Variants in RPE65 observed in about 807,000 individuals in gnomAD.
RPE65 encodes retinoid isomerohydrolase.
Under a neutral mutation model 68.5 loss-of-function variants are expected in RPE65, and 58 were observed. The ratio of observed to expected loss-of-function variants is 0.85; its 90% CI spans 0.69 to 1.05. RPE65 has a LOEUF of 1.05. Ranked by LOEUF, RPE65 falls within the 50% of genes least tolerant of loss-of-function variation. RPE65 has a pLI of 0.00. For missense variants in RPE65, 643 were observed against 629.9 expected (o/e 1.02, Z -0.22); for synonymous variants, 220 against 222.2 (o/e 0.99, Z 0.09).
chr1:68,445,247 C>A (rs74081941), intron 3 of RPE65, among the ~76,000 whole-genome samples: 144 of 152,198 alleles, frequency 9.5e-4, no homozygotes, highest in African/African-American at 3.2e-3. Context: ...GACCCCCACC[C>A]CCATCACCTA....
intron 13 of RPE65, 48 bp from the exon 14 acceptor site, chr1:68,429,975 A>G (rs375399090): frequency 1.9e-6 from 3 of 1,607,164 alleles, no homozygotes; most frequent in African/African-American, 2.7e-5. Context: ...TAAAAGCCCA[A>G]GCTATAGATT....
chr1:68,439,100 T>C lies in RPE65; in HGVS notation c.859-19A>G, dbSNP rs529447590. 10 of 1,613,906 alleles carry C rather than the reference T, an allele frequency of 6.2e-6. 1 individual carries two copies. The highest frequency in any genetic ancestry group is 3.3e-4 in the Middle Eastern group (2 of 6,062). On this transcript the variant is annotated intron_variant, in intron 8 of 13. Coordinates refer to ENST00000262340, the MANE Select transcript of RPE65 (RefSeq NM_000329.3). ...GCCAAACCTTGAAAAATGAGGAAAA[T>C]ATTTTGATGCATTTAAAAAGGAAAA...
rs767528365 is a variant in RPE65, at chr1:68,444,593, C to T, written c.433G>A (p.Ala145Thr). 98 of 1,614,094 alleles carry T rather than the reference C, an allele frequency of 6.1e-5. No individual in the cohort carries two copies. The South Asian group carries it at 7.6e-4, about 12-fold the overall frequency. ...NVYPVGEDYY[A>T]CTETNFITKI... is the part of the protein sequence containing the mutation. The stretch of plus-strand genomic sequence containing the variant: ...GTAATAAAGTTGGTCTCTGTGCAAG[C>T]GTAGTAATCTTCCCCCACTGGGTAG... The change falls in exon 5 of 14, where the codon GCT becomes ACT. Residue 145 changes from alanine (A) to threonine (T), a missense_variant. By Grantham distance (58) the Ala-to-Thr change is moderately conservative. Coordinates refer to ENST00000262340, the MANE Select transcript of RPE65 (RefSeq NM_000329.3).
In RPE65 at chr1:68,448,646, C is replaced by A. The variant is rs1282164855; in HGVS notation, c.72G>T (p.Ser24=). ...AACCTGTTACATGAGCTGTGAGCGG[C>A]GAGGACAGTTCCTCCACAGTTTCAA... ...KLFETVEELS[S]PLTAHVTGRI... is the part of the protein sequence containing the mutation. The change falls in exon 2 of 14, where the codon TCG becomes TCT. Residue 24 remains serine (S), a synonymous_variant. Coordinates refer to ENST00000262340, the MANE Select transcript of RPE65 (RefSeq NM_000329.3). 1.2e-6 allele frequency: 2 copies of A among 1,613,780 alleles called. No homozygotes were observed. Among genetic ancestry groups the A allele is most frequent in the African/African-American group, 1.3e-5 (1 of 74,832 alleles).
intron 10 of RPE65, among the ~76,000 whole-genome samples, chr1:68,433,732 C>A (rs1012981988): frequency 6.6e-6 from 1 of 152,050 alleles, no homozygotes; most frequent in Non-Finnish European, 1.5e-5. Flanking sequence ...GTGTTGTCTG[C>A]ACTTAGTTCA....
In RPE65 at chr1:68,439,030, A is replaced by G; in HGVS notation, c.910T>C (p.Tyr304His). ...KKRKKYLNNK[Y>H]RTSPFNLFHH... The stretch of plus-strand genomic sequence containing the variant: ...AAGAGGTTGAAAGGAGAAGTTCTGT[A>G]TTTATTATTGAGGTACTTTTTCCTT... Residue 304 changes from tyrosine to histidine, a missense_variant, in exon 9 of 14, where the codon TAC becomes CAC. Transcript: ENST00000262340. 6.2e-7 allele frequency: 1 copy of G among 1,614,110 alleles called. No individual in the cohort carries two copies. Among genetic ancestry groups the G allele is most frequent in the African/African-American group, 1.3e-5 (1 of 75,056 alleles).
chr1:68,431,374 A>G lies in RPE65; in HGVS notation c.1246T>C (p.Phe416Leu). The part of the protein sequence containing the change: ...EVLFSGPRQA[F>L]EFPQINYQKY... ...TGGTAATTGATTTGAGGAAACTCAAATGCTACGAAATAGAGCACATGCTTA... is the reference window on the plus strand; with the variant it reads ...TGGTAATTGATTTGAGGAAACTCAAGTGCTACGAAATAGAGCACATGCTTA... The change falls in exon 12 of 14, where the codon TTT (phenylalanine) becomes CTT (leucine). Residue 416 changes from phenylalanine to leucine, a missense_variant and splice_region_variant. By Grantham distance (22) the Phe-to-Leu change is conservative (BLOSUM62 0). Coordinates refer to ENST00000262340, the MANE Select transcript of RPE65 (RefSeq NM_000329.3). 6.2e-7 allele frequency: 1 copy of G among 1,613,896 alleles called. No individual in the cohort carries two copies. Among genetic ancestry groups the G allele is most frequent in the South Asian group, 1.1e-5 (1 of 91,070 alleles).
intron 5 of RPE65, among the ~76,000 whole-genome samples, chr1:68,443,091 C>T (rs1403250581): frequency 2.0e-5 from 3 of 151,760 alleles, no homozygotes; most frequent in Middle Eastern, 3.2e-3. Context: ...TAGCCCTACT[C>T]ATACTACTTC....
chr1:68,435,883 G>A (rs1442821448), intron 10 of RPE65, among the ~76,000 whole-genome samples: 2 of 152,172 alleles, frequency 1.3e-5, no homozygotes, highest in Non-Finnish European at 2.9e-5. Flanking sequence ...CGGGCTCCAT[G>A]AGAACTAGAA....
intron 5 of RPE65, among the ~76,000 whole-genome samples, chr1:68,443,108 C>A (rs1440467779): frequency 3.3e-5 from 5 of 149,706 alleles, no homozygotes; most frequent in South Asian, 4.4e-4. Context: ...CTTCTTTGAG[C>A]AAAAACTTTC....
intron 1 of RPE65, among the ~76,000 whole-genome samples, chr1:68,449,423 G>A (rs977987567): frequency 6.6e-6 from 1 of 152,066 alleles, no homozygotes; most frequent in African/African-American, 2.4e-5. Flanking sequence ...TCTCTGACCA[G>A]ACTCAATTAT....
At chr1:68,445,753 T>A (rs1645938169) in intron 3 of RPE65, among the ~76,000 whole-genome samples, 1 of 152,030 alleles carries the variant, frequency 6.6e-6, no homozygotes, top group South Asian at 2.1e-4. Flanking sequence ...TGACCTCAAG[T>A]GATCTGGCCG....
intron 13 of RPE65, 121 bp downstream of exon 13, chr1:68,430,944 T>G (rs1645821203): frequency 1.3e-6 from 1 of 783,950 alleles, no homozygotes; most frequent in Admixed American, 2.0e-5. Flanking sequence ...ACTGCTCTAT[T>G]TATAGTATTA....
intron 10 of RPE65, among the ~76,000 whole-genome samples, chr1:68,434,932 C>T (rs1645850406): frequency 6.6e-6 from 1 of 152,066 alleles, no homozygotes; most frequent in Non-Finnish European, 1.5e-5. Flanking sequence ...TCTTCATTGC[C>T]AAACTTTTAA....
intron 13 of RPE65, 117 bp from the exon 14 acceptor site, chr1:68,430,044 C>T: frequency 7.4e-7 from 1 of 1,352,076 alleles, no homozygotes; most frequent in Admixed American, 2.0e-5. Context: ...AACCATATGA[C>T]CTGACTTCTT....
chr1:68,441,686 T>C (rs1333488093), intron 5 of RPE65, among the ~76,000 whole-genome samples: 3 of 152,162 alleles, frequency 2.0e-5, no homozygotes, highest in African/African-American at 7.2e-5. Context: ...GTGTCTTGTT[T>C]AAGGATAAAG....
chr1:68,447,522 A>G (rs1333308758), intron 2 of RPE65, among the ~76,000 whole-genome samples: 1 of 152,168 alleles, frequency 6.6e-6, no homozygotes, highest in Non-Finnish European at 1.5e-5. Context: ...GGTACCCAAG[A>G]TAGTCCTTAA....
chr1:68,439,628 T>C lies in RPE65; in HGVS notation c.658A>G (p.Ile220Val), dbSNP rs201009374. ...TGTACAACGATCTCTGACTTGCTTA[T>C]TGGATCTTCCTTGTCTGAAATAAAG... is the stretch of plus-strand genomic sequence containing the variant. ...PPLQADKEDP[I>V]SKSEIVVQFP... is the part of the protein sequence containing the mutation. The change falls in exon 7 of 14, where the codon ATA becomes GTA. Residue 220 changes from isoleucine (I) to valine (V), a missense_variant. Physicochemically the swap from Ile to Val is conservative, Grantham distance 29. Coordinates refer to ENST00000262340, the MANE Select transcript of RPE65 (RefSeq NM_000329.3). The C allele has an allele frequency of 4.8e-5, 77 of 1,613,924 alleles. No individual in the cohort carries two copies. Among genetic ancestry groups the C allele is most frequent in the Admixed American group, 4.3e-4 (26 of 60,020 alleles).
chr1:68,432,417 C>T (rs575021984), intron 10 of RPE65, among the ~76,000 whole-genome samples: 11 of 152,002 alleles, frequency 7.2e-5, no homozygotes, highest in South Asian at 2.1e-4. Flanking sequence ...ATAGATGGTT[C>T]GGGTAGGTCT....
Sources: gnomAD v4.1 joint callset for allele counts (sites outside exome capture counted in the v4.1 genomes callset) on GRCh38, gnomAD v4.1.1 for gene constraint, MANE v1.5 for transcripts, NCBI Gene and HGNC (gene_info 2026-07-23, HGNC 2026-07-21) for gene names.